WDR7: variants seen among roughly 807,000 people sequenced by gnomAD.
The protein encoded by WDR7 is WD repeat domain 7.
A neutral mutation model predicts 169.4 loss-of-function variants in WDR7; 46 were observed. That is an observed-to-expected ratio of 0.27 (90% CI 0.21 to 0.35). The LOEUF is 0.35. Among genes scored for constraint, WDR7 ranks in the 10% least tolerant of loss-of-function variants. The pLI is 1.00. For missense variants in WDR7, 1,534 were observed against 1,859.3 expected, an observed-to-expected ratio of 0.83 and a Z score of 3.22; for synonymous variants, 612 against 666.8, an observed-to-expected ratio of 0.92 and a Z score of 1.27.
chr18:56,740,986 T>G (rs900297408), intron 14 of WDR7, among the ~76,000 whole-genome samples: 6 of 152,266 alleles, frequency 3.9e-5, no homozygotes, highest in Admixed American at 2.6e-4. Flanking sequence ...GCTTGCTTGA[T>G]CTCTGCTTTA....
chr18:56,920,096 A>G (rs1257654046), intron 21 of WDR7, among the ~76,000 whole-genome samples: 1 of 151,738 alleles, frequency 6.6e-6, no homozygotes, highest in African/African-American at 2.4e-5. Context: ...CCATACATAC[A>G]CACAGTTTCT....
intron 25 of WDR7, among the ~76,000 whole-genome samples, chr18:56,942,049 G>A (rs1277496930): frequency 6.6e-6 from 1 of 152,116 alleles, no homozygotes; most frequent in African/African-American, 2.4e-5. Flanking sequence ...GTTATCAGTC[G>A]CAAAGCAGGA....
chr18:56,820,772 G>A (rs965349505), intron 20 of WDR7, among the ~76,000 whole-genome samples: 1 of 152,062 alleles, frequency 6.6e-6, no homozygotes, highest in Admixed American at 6.6e-5. Flanking sequence ...CTATAAATGT[G>A]CTTTTGTTTT....
intron 25 of WDR7, among the ~76,000 whole-genome samples, chr18:56,961,516 G>T (rs1204346351): frequency 6.6e-6 from 1 of 151,980 alleles, no homozygotes. Flanking sequence ...ACTAGATAAT[G>T]GGAAGGTATA....
chr18:56,896,255 A>T (rs2046331244), intron 21 of WDR7, among the ~76,000 whole-genome samples: 1 of 151,856 alleles, frequency 6.6e-6, no homozygotes, highest in South Asian at 2.1e-4. Flanking sequence ...ATTTTCATAA[A>T]CTTATTGATA....
At chr18:56,788,075 G>A (rs2044429578) in intron 19 of WDR7, among the ~76,000 whole-genome samples, 1 of 151,984 alleles carries the variant, frequency 6.6e-6, no homozygotes, top group African/African-American at 2.4e-5. Context: ...TTTAAGGAAT[G>A]GTTTTCTAGA....
At chr18:56,896,828 A>C (rs1176701583) in intron 21 of WDR7, among the ~76,000 whole-genome samples, 1 of 151,890 alleles carries the variant, frequency 6.6e-6, no homozygotes, top group South Asian at 2.1e-4. Context: ...GACAAATTCA[A>C]GTACATTAAA....
intron 11 of WDR7, 113 bp downstream of exon 11, chr18:56,695,311 G>A (rs1598967825): frequency 1.5e-6 from 2 of 1,366,792 alleles, no homozygotes; most frequent in East Asian, 2.3e-5. Flanking sequence ...GTAGTTAGTT[G>A]TTGGGGTGCT....
intron 16 of WDR7, among the ~76,000 whole-genome samples, chr18:56,774,864 A>T (rs1330395651): frequency 6.6e-6 from 1 of 152,110 alleles, no homozygotes; most frequent in African/African-American, 2.4e-5. Flanking sequence ...TTTAGTGCCC[A>T]TAAAATTTAT....
At chr18:56,943,866 G>A (rs2047064631) in intron 25 of WDR7, among the ~76,000 whole-genome samples, 1 of 151,300 alleles carries the variant, frequency 6.6e-6, no homozygotes, top group South Asian at 2.1e-4. Context: ...AGATAAAATA[G>A]CATTATATAT....
At chr18:56,878,341 TC>T (rs2046056964) in intron 20 of WDR7, among the ~76,000 whole-genome samples, 1 of 152,318 alleles carries the variant, frequency 6.6e-6, no homozygotes, top group African/African-American at 2.4e-5. Flanking sequence ...CTTCTCCTCC[TC>T]GTATGGCCCA....
chr18:56,962,672 G>A (rs117896650), intron 26 of WDR7, 143 bp downstream of exon 26: 17 of 741,320 alleles, frequency 2.3e-5, no homozygotes, highest in Middle Eastern at 2.5e-4. Context: ...AATGAAGGAC[G>A]CACAGAATAT....
chr18:56,975,369 A>T (rs73444877), intron 26 of WDR7, among the ~76,000 whole-genome samples: 2 of 152,070 alleles, frequency 1.3e-5, no homozygotes, highest in Admixed American at 1.3e-4. Context: ...AGCTGATGGT[A>T]CATTCCAGGG....
At chr18:56,787,285 G>A (rs774917360) in intron 19 of WDR7, among the ~76,000 whole-genome samples, 16 of 152,240 alleles carry the variant, frequency 1.1e-4, no homozygotes, top group South Asian at 4.2e-4. Context: ...GGTCACAAGC[G>A]TAATTATTTC....
At chr18:56,807,662 A>G (rs1041672192) in intron 19 of WDR7, among the ~76,000 whole-genome samples, 2 of 145,120 alleles carry the variant, frequency 1.4e-5, no homozygotes, top group African/African-American at 5.1e-5. Flanking sequence ...ATTTTATATG[A>G]GAGCAGTTTT....
At chr18:56,878,317 A>T (rs2046056338) in intron 20 of WDR7, among the ~76,000 whole-genome samples, 1 of 152,208 alleles carries the variant, frequency 6.6e-6, no homozygotes, top group Non-Finnish European at 1.5e-5. Context: ...GCCATACTGG[A>T]TGAAATAATC....
chr18:56,920,540 A>G (rs1213052348), intron 21 of WDR7, among the ~76,000 whole-genome samples: 2 of 152,152 alleles, frequency 1.3e-5, no homozygotes, highest in Non-Finnish European at 2.9e-5. Flanking sequence ...CAAATGCGAA[A>G]ATCCTTGACT....
chr18:56,751,420 T>C (rs527288514), intron 14 of WDR7, among the ~76,000 whole-genome samples: 1 of 152,374 alleles, frequency 6.6e-6, no homozygotes, highest in East Asian at 1.9e-4. Flanking sequence ...TGATTTTATA[T>C]TCTTTGGTAG....
At chr18:56,712,952 G>C (rs953599016) in intron 12 of WDR7, among the ~76,000 whole-genome samples, 1 of 152,122 alleles carries the variant, frequency 6.6e-6, no homozygotes. Flanking sequence ...AGAGGGACAC[G>C]CATCATCTCA....
Sources: gnomAD v4.1 joint callset for allele counts (sites outside exome capture counted in the v4.1 genomes callset) on GRCh38, gnomAD v4.1.1 for gene constraint, MANE v1.5 for transcripts, NCBI Gene and HGNC (gene_info 2026-07-23, HGNC 2026-07-21) for gene names.